Variants in LMNTD1 observed in about 807,000 individuals in gnomAD.
LMNTD1 encodes the protein lamin tail domain-containing protein 1.
In LMNTD1, 35 loss-of-function variants were observed where a neutral mutation model predicts 50.9. The ratio of observed to expected loss-of-function variants is 0.69; its 90% CI spans 0.53 to 0.91. LMNTD1 has a LOEUF of 0.91. LMNTD1 is among the 40% of genes least tolerant of loss of function. The pLI is 0.00. For synonymous variants in LMNTD1, 153 were observed against 161.9 expected (o/e 0.94, Z 0.42); for missense variants, 470 against 475.5 (o/e 0.99, Z 0.11).
At chr12:25,485,490 G>A (rs1326168929) in intron 9 of LMNTD1, among the ~76,000 whole-genome samples, 2 of 88,522 alleles carry the variant, frequency 2.3e-5, no homozygotes, top group Non-Finnish European at 4.4e-5. Context: ...CTTTTGCTGT[G>A]CAGAAGCTCT....
In LMNTD1 at chr12:25,485,584, C is replaced by T. The variant is rs1470856826; in HGVS notation, c.*23-9124G>A. Reference sequence around the variant, plus strand: ...TTTGGACATGAAGTCCTTTCCCATGCCTATGTCCTGAATGGTAATGCCTAG... The same window carrying T: ...TTTGGACATGAAGTCCTTTCCCATGTCTATGTCCTGAATGGTAATGCCTAG... On this transcript the variant is annotated intron_variant, in intron 9 of 9. Coordinates refer to ENST00000458174, the MANE Select transcript of LMNTD1 (RefSeq NM_001145728.2). Among the ~76,000 whole-genome samples the T allele has an allele frequency of 1.5e-4, 21 of 140,570 alleles. 1 individual carries two copies. The highest frequency in any genetic ancestry group is 4.0e-4 in the African/African-American group (15 of 37,218). 92.2% of individuals were successfully genotyped at this position (140,570 alleles called of 152,430 possible).
intron 6 of LMNTD1, among the ~76,000 whole-genome samples, chr12:25,525,570 T>C (rs1358178013): frequency 6.6e-6 from 1 of 152,186 alleles, no homozygotes; most frequent in Non-Finnish European, 1.5e-5. Flanking sequence ...GAATATGAGA[T>C]ATCAAAATTA....
At chr12:25,521,483 T>G (rs1032567881) in intron 6 of LMNTD1, among the ~76,000 whole-genome samples, 12 of 152,208 alleles carry the variant, frequency 7.9e-5, no homozygotes, top group African/African-American at 2.7e-4. Flanking sequence ...AACTACATGA[T>G]GAGGATACAG....
At chr12:25,539,026 A>G (rs1377092536) in intron 4 of LMNTD1, among the ~76,000 whole-genome samples, 3 of 151,626 alleles carry the variant, frequency 2.0e-5, no homozygotes, top group Non-Finnish European at 4.4e-5. Context: ...AGAGCTAACT[A>G]TCCTAAATAT....
At chr12:25,584,799 A>AATGTAT (rs111934433) in intron 1 of LMNTD1, among the ~76,000 whole-genome samples, 2,956 of 152,260 alleles carry the variant, frequency 0.019, 70 homozygotes, top group African/African-American at 0.06. Context: ...CCACGTGGAA[A>AATGTAT]ATTTTCATCA....
intron 1 of LMNTD1, among the ~76,000 whole-genome samples, chr12:25,620,291 C>T (rs1284997763): frequency 6.6e-6 from 1 of 152,124 alleles, no homozygotes; most frequent in Non-Finnish European, 1.5e-5. Flanking sequence ...CGGAACTCCA[C>T]AGTTTTCTAA....
intron 1 of LMNTD1, among the ~76,000 whole-genome samples, chr12:25,625,773 G>A (rs1946576157): frequency 6.6e-6 from 1 of 152,086 alleles, no homozygotes; most frequent in Admixed American, 6.6e-5. Context: ...ATGACTGCTG[G>A]GCCTTGGCCT....
intron 1 of LMNTD1, among the ~76,000 whole-genome samples, chr12:25,586,824 T>A (rs1396705070): frequency 1.3e-5 from 2 of 152,202 alleles, no homozygotes; most frequent in Non-Finnish European, 2.9e-5. Flanking sequence ...TAACACTTAG[T>A]GTATAGCTGA....
At chr12:25,526,289 C>T (rs1006282833) in intron 5 of LMNTD1, 71 bp from the exon 6 acceptor site, 10 of 1,414,046 alleles carry the variant, frequency 7.1e-6, no homozygotes, top group Non-Finnish European at 9.7e-6. Context: ...TAGGGTTACT[C>T]CAACATAATC....
chr12:25,499,049 G>A (rs577675354), intron 9 of LMNTD1, among the ~76,000 whole-genome samples: 13 of 152,220 alleles, frequency 8.5e-5, no homozygotes, highest in African/African-American at 2.9e-4. Flanking sequence ...ACAGATGCAC[G>A]ACAGTAACAG....
intron 1 of LMNTD1, among the ~76,000 whole-genome samples, chr12:25,588,231 ATCAAATC>A (rs1362202110): frequency 1.3e-5 from 2 of 152,220 alleles, no homozygotes; most frequent in Non-Finnish European, 2.9e-5. Flanking sequence ...TAGAAATTTA[ATCAAATC>A]TCCTGACTCA....
rs568765807 is a variant in LMNTD1, at chr12:25,486,891, G to C, written c.*23-10431C>G. 5.3e-5 allele frequency among the ~76,000 whole-genome samples: 8 copies of C among 152,040 alleles called. No homozygotes were observed. The South Asian group carries it at 1.7e-3, about 32-fold the overall frequency. On this transcript the variant is annotated intron_variant, in intron 9 of 9. Transcript: ENST00000458174. ...TGTTGGATAAGCTTTTTGATGTGCTGCTGGATTCATTTTGCCAGTATTTTA... is the reference window on the plus strand; with the variant it reads ...TGTTGGATAAGCTTTTTGATGTGCTCCTGGATTCATTTTGCCAGTATTTTA...
intron 1 of LMNTD1, among the ~76,000 whole-genome samples, chr12:25,602,302 AAAAG>A (rs1189710288): frequency 5.9e-5 from 9 of 151,994 alleles, no homozygotes; most frequent in South Asian, 2.1e-4. Context: ...ATCCAAAGAA[AAAAG>A]AAAGAAAGAA....
intron 1 of LMNTD1, among the ~76,000 whole-genome samples, chr12:25,633,847 T>G (rs1946768022): frequency 6.6e-6 from 1 of 151,544 alleles, no homozygotes; most frequent in Non-Finnish European, 1.5e-5. Context: ...TAAATGAAAC[T>G]GAAACAAAAA....
intron 1 of LMNTD1, among the ~76,000 whole-genome samples, chr12:25,628,107 CAAAAAAAAAAAA>C (rs58780549): frequency 3.8e-5 from 2 of 52,450 alleles, no homozygotes; most frequent in African/African-American, 1.7e-4. Context: ...AACTCCGTCT[CAAAAAAAAAAAA>C]AAAAAAAAAA....
chr12:25,611,354 C>G (rs1946238945), intron 1 of LMNTD1, among the ~76,000 whole-genome samples: 1 of 152,006 alleles, frequency 6.6e-6, no homozygotes, highest in Non-Finnish European at 1.5e-5. Flanking sequence ...TCAAAGGAAG[C>G]CTTTGGTGTT....
At chr12:25,561,272 G>A (rs1944308669) in intron 1 of LMNTD1, among the ~76,000 whole-genome samples, 1 of 152,014 alleles carries the variant, frequency 6.6e-6, no homozygotes, top group Non-Finnish European at 1.5e-5. Flanking sequence ...TTTCTCTTGT[G>A]GGCATTTAGT....
intron 1 of LMNTD1, among the ~76,000 whole-genome samples, chr12:25,616,291 C>T (rs1007740800): frequency 2.2e-4 from 34 of 152,212 alleles, no homozygotes; most frequent in African/African-American, 8.2e-4. Flanking sequence ...TTTAGGCAGA[C>T]ATTGTGCTAA....
At chr12:25,541,054 C>T (rs557947562) in intron 4 of LMNTD1, among the ~76,000 whole-genome samples, 56 of 113,928 alleles carry the variant, frequency 4.9e-4, no homozygotes, top group Non-Finnish European at 9.0e-4. Flanking sequence ...GAACTACAAA[C>T]CGCTGCTCAA....
Sources: gnomAD v4.1 joint callset for allele counts (sites outside exome capture counted in the v4.1 genomes callset) on GRCh38, gnomAD v4.1.1 for gene constraint, MANE v1.5 for transcripts, NCBI Gene and HGNC (gene_info 2026-07-23, HGNC 2026-07-21) for gene names.